Variants in DNM3 observed in about 807,000 individuals in gnomAD.
DNM3 encodes the protein dynamin-3.
In DNM3, 47 loss-of-function variants were observed where a neutral mutation model predicts 101.6. That is an observed-to-expected ratio of 0.46 (90% CI 0.37 to 0.59). The LOEUF (loss-of-function observed/expected upper bound fraction) is 0.59, where lower values mean the gene tolerates loss of function less well. Among genes scored for constraint, DNM3 ranks in the 20% least tolerant of loss-of-function variants. The pLI, the probability that DNM3 is intolerant of heterozygous loss-of-function variation, is 0.00. For missense variants in DNM3, 849 were observed against 1,085.7 expected (o/e 0.78, Z 3.06); for synonymous variants, 385 against 387.9 (o/e 0.99, Z 0.09).
chr1:172,284,056 A>G (rs997958538), intron 15 of DNM3, among the ~76,000 whole-genome samples: 2 of 152,202 alleles, frequency 1.3e-5, no homozygotes, highest in Non-Finnish European at 2.9e-5. Context: ...AATGTGGAAG[A>G]AAAAGAAGTG....
At chr1:172,110,051 T>C (rs1456582709) in intron 13 of DNM3, among the ~76,000 whole-genome samples, 1 of 152,234 alleles carries the variant, frequency 6.6e-6, no homozygotes, top group Admixed American at 6.5e-5. Flanking sequence ...ACTCCTCAGC[T>C]TTCAACCATT....
At chr1:172,022,218 T>TAG (rs1275125690) in intron 4 of DNM3, among the ~76,000 whole-genome samples, 2 of 152,206 alleles carry the variant, frequency 1.3e-5, no homozygotes, top group African/African-American at 2.4e-5. Flanking sequence ...TAATAGTATC[T>TAG]ATCTCTTGGT....
At position 171,987,734 on chromosome 1, in the gene DNM3, C is replaced by T; in HGVS notation, c.314C>T (p.Thr105Ile). The T allele has an allele frequency of 6.2e-7, 1 of 1,604,432 alleles. No individual in the cohort carries two copies. Among genetic ancestry groups the T allele is most frequent in the Non-Finnish European group, 8.5e-7 (1 of 1,176,180 alleles). Residue 105 changes from threonine (T) to isoleucine (I), a missense_variant, in exon 3 of 21, where the codon ACA becomes ATA. Physicochemically the swap from Thr to Ile is moderately conservative, Grantham distance 89. Around this residue, in one of 5 missense-constraint regions of DNM3, gnomAD observed 388 missense variants for 483.0 expected, o/e 0.80. Coordinates refer to ENST00000627582, the MANE Select transcript of DNM3 (RefSeq NM_015569.5). ...DEVRLEIEAE[T>I]DRVTGMNKGI... The stretch of plus-strand genomic sequence containing the variant: ...GTTCGCCTTGAGATTGAAGCAGAAA[C>T]AGATCGCGTGACTGGAATGAATAAA...
intron 1 of DNM3, among the ~76,000 whole-genome samples, chr1:171,863,183 A>AT (rs1223272077): frequency 1.3e-5 from 2 of 152,154 alleles, no homozygotes; most frequent in Non-Finnish European, 2.9e-5. Context: ...CCAGAAGAAG[A>AT]TATAGATGAC....
chr1:172,222,235 A>G (rs1468923836), intron 14 of DNM3, among the ~76,000 whole-genome samples: 1 of 152,140 alleles, frequency 6.6e-6, no homozygotes, highest in East Asian at 1.9e-4. Context: ...CACTACCTAA[A>G]CTATGGTATT....
intron 1 of DNM3, among the ~76,000 whole-genome samples, chr1:171,912,853 G>C (rs897576851): frequency 6.6e-6 from 1 of 152,198 alleles, no homozygotes; most frequent in African/African-American, 2.4e-5. Flanking sequence ...TAGGCAACCA[G>C]TGATCTTTTT....
chr1:172,080,315 C>A (rs1000705030), intron 11 of DNM3, among the ~76,000 whole-genome samples: 6 of 152,140 alleles, frequency 3.9e-5, no homozygotes, highest in African/African-American at 9.7e-5. Flanking sequence ...TTCAGAGATG[C>A]CCTGCCCAGA....
chr1:172,146,974 A>G (rs1419605159), intron 14 of DNM3, among the ~76,000 whole-genome samples: 1 of 152,158 alleles, frequency 6.6e-6, no homozygotes, highest in Non-Finnish European at 1.5e-5. Flanking sequence ...TATACTAATC[A>G]TTATGACTCG....
rs570777804 is a variant in DNM3 at position 172,146,990 on chromosome 1, C to T, written c.1659+15702C>T. 4.6e-5 allele frequency among the ~76,000 whole-genome samples: 7 copies of T among 152,218 alleles called. No individual in the cohort carries two copies. The South Asian group carries it at 8.3e-4, about 18-fold the overall frequency. On this transcript the variant is annotated intron_variant, in intron 14 of 20. Transcript: ENST00000627582. ...ATACTAATCATTATGACTCGTGAAACATTTTAAGGAATTTTCTCCAGAGAC... is the reference window on the plus strand; with the variant it reads ...ATACTAATCATTATGACTCGTGAAATATTTTAAGGAATTTTCTCCAGAGAC...
At chr1:172,222,353 G>A (rs1354190360) in intron 14 of DNM3, among the ~76,000 whole-genome samples, 2 of 152,132 alleles carry the variant, frequency 1.3e-5, no homozygotes, top group South Asian at 2.1e-4. Context: ...TCTCAAAGTT[G>A]CCTAATATCA....
chr1:171,913,606 G>A (rs973377742), intron 1 of DNM3, among the ~76,000 whole-genome samples: 5 of 152,194 alleles, frequency 3.3e-5, no homozygotes, highest in African/African-American at 9.7e-5. Flanking sequence ...TGTGTTCAGG[G>A]TGTGGAACTG....
chr1:172,284,578 C>A (rs3895277), intron 15 of DNM3, among the ~76,000 whole-genome samples: 36,455 of 152,018 alleles, frequency 0.24, 4,507 homozygotes, highest in African/African-American at 0.31. Flanking sequence ...ACATGTTTAT[C>A]AAACAAATAA....
chr1:171,891,645 A>G (rs78551507), intron 1 of DNM3, among the ~76,000 whole-genome samples: 1 of 152,108 alleles, frequency 6.6e-6, no homozygotes, highest in African/African-American at 2.4e-5. Flanking sequence ...GACAGTTTTG[A>G]GGAGTACTCA....
At chr1:172,361,116 T>C (rs2149009192) in intron 17 of DNM3, among the ~76,000 whole-genome samples, 1 of 152,124 alleles carries the variant, frequency 6.6e-6, no homozygotes, top group South Asian at 2.1e-4. Context: ...TGGCCCACTA[T>C]GGGATTTCCT....
At chr1:172,020,697 C>G (rs1572116925) in intron 4 of DNM3, among the ~76,000 whole-genome samples, 1 of 132,584 alleles carries the variant, frequency 7.5e-6, no homozygotes, top group East Asian at 2.2e-4. Flanking sequence ...GCACTCCAGC[C>G]TGGGCGACAG....
chr1:172,203,340 C>T (rs1424866007), intron 14 of DNM3, among the ~76,000 whole-genome samples: 1 of 152,090 alleles, frequency 6.6e-6, no homozygotes, highest in East Asian at 1.9e-4. Flanking sequence ...TGATGTGTTC[C>T]GCCTCTTTTG....
intron 2 of DNM3, among the ~76,000 whole-genome samples, chr1:171,960,721 A>G (rs2043162262): frequency 6.6e-6 from 1 of 152,150 alleles, no homozygotes; most frequent in African/African-American, 2.4e-5. Flanking sequence ...GGTGGAGCAC[A>G]ATCCTGGCAG....
At chr1:172,338,485 G>C (rs1396103836) in intron 17 of DNM3, among the ~76,000 whole-genome samples, 1 of 152,196 alleles carries the variant, frequency 6.6e-6, no homozygotes, top group Non-Finnish European at 1.5e-5. Context: ...CCTGTCAGCT[G>C]TGAGCAATAG....
chr1:171,973,651 A>G (rs1019180027), intron 2 of DNM3, among the ~76,000 whole-genome samples: 1 of 151,900 alleles, frequency 6.6e-6, no homozygotes, highest in African/African-American at 2.4e-5. Flanking sequence ...GACCCTTCAA[A>G]CATGGGTCTG....
Sources: gnomAD v4.1 joint callset for allele counts (sites outside exome capture counted in the v4.1 genomes callset) on GRCh38, gnomAD v4.1.1 for gene constraint, gnomAD v4.1.1 regional missense constraint, MANE v1.5 for transcripts, NCBI Gene and HGNC (gene_info 2026-07-23, HGNC 2026-07-21) for gene names.